Variants in KICS2 observed in about 807,000 individuals in gnomAD.
KICS2 encodes the protein KICSTOR complex protein C12orf66.
KICS2 carries 13 observed loss-of-function variants against 31.4 expected under a neutral mutation model. The ratio of observed to expected loss-of-function variants is 0.41; its 90% confidence interval spans 0.27 to 0.66. The LOEUF is 0.66. KICS2 is among the 30% of genes least tolerant of loss of function. KICS2 has a pLI of 0.28. For synonymous variants in KICS2, 209 were observed against 214.8 expected (o/e 0.97, Z 0.24); for missense variants, 455 against 545.4 (o/e 0.83, Z 1.65).
intron 2 of KICS2, 84 bp downstream of exon 2, chr12:64,215,594 C>T (rs1333930675): frequency 8.5e-7 from 1 of 1,178,602 alleles, no homozygotes; most frequent in East Asian, 2.4e-5. Context: ...CACAGATTTT[C>T]ATAAGAGTGT....
intron 2 of KICS2, among the ~76,000 whole-genome samples, chr12:64,196,092 C>A (rs1592379698): frequency 6.6e-6 from 1 of 152,250 alleles, no homozygotes; most frequent in Admixed American, 6.5e-5. Context: ...CTGGGTGGAG[C>A]CCACCACAGC....
At chr12:64,190,725 G>T (rs559254909), downstream of KICS2, among the ~76,000 whole-genome samples, 1 of 151,608 alleles carries the variant, frequency 6.6e-6, no homozygotes, top group Non-Finnish European at 1.5e-5. Flanking sequence ...CTCCAGCCTG[G>T]GCGACAGACC....
At chr12:64,215,216 G>A (rs534322903) in intron 2 of KICS2, among the ~76,000 whole-genome samples, 1 of 152,168 alleles carries the variant, frequency 6.6e-6, no homozygotes, top group African/African-American at 2.4e-5. Flanking sequence ...GGAGGCTGAG[G>A]CAGGAGAATT....
intron 2 of KICS2, among the ~76,000 whole-genome samples, chr12:64,201,629 A>C (rs1350248225): frequency 4.8e-5 from 7 of 144,798 alleles, no homozygotes; most frequent in Admixed American, 3.4e-4. Context: ...GAAAAAAAAA[A>C]AAAACAAAAT....
chr12:64,194,802 T>C, intron 2 of KICS2, 144 bp from the exon 3 acceptor site: 1 of 1,086,874 alleles, frequency 9.2e-7, no homozygotes, highest in Non-Finnish European at 1.2e-6. Context: ...AACTACATGT[T>C]GATTTATTTT....
Position 64,222,094 on chromosome 12 carries a change from C to G in KICS2, c.144G>C (p.Gly48=). The G allele has an allele frequency of 6.2e-7, 1 of 1,613,978 alleles. No homozygotes were observed. Among genetic ancestry groups the G allele is most frequent in the Non-Finnish European group, 8.5e-7 (1 of 1,179,936 alleles). ...CCGCCAGCAGCGACAGCCAGCTGCC[C>G]CCCGCGCTCTTGTTGGCCTCTCGTT... is the stretch of plus-strand genomic sequence containing the variant. ...EKEREANKSA[G]GSWLSLLAAL... Residue 48 remains glycine, a synonymous_variant, in exon 1 of 3, where the codon GGG becomes GGC. Transcript: ENST00000398055.
chr12:64,189,975 A>T (rs867315858), downstream of KICS2, among the ~76,000 whole-genome samples: 2 of 152,324 alleles, frequency 1.3e-5, no homozygotes, highest in Non-Finnish European at 1.5e-5. Context: ...AAAGGAAAAA[A>T]AAAGAAATCA....
At position 64,192,044 on chromosome 12, in the gene KICS2, CAAAAAAAAAAA is replaced by C. The variant is rs371097999; in HGVS notation, c.*1787_*1797del. On this transcript the variant is annotated 3_prime_UTR_variant, in exon 3 of 3. Coordinates refer to ENST00000398055, the MANE Select transcript of KICS2 (RefSeq NM_152440.5). ...CTGGAAAACAGACAAGACCCTGTCT[CAAAAAAAAAAA>C]AAAAAAAAAAGGAAAAACACATGTT... 2 of 67,484 alleles carry C rather than the reference CAAAAAAAAAAA, an allele frequency of 3.0e-5. No individual in the cohort carries two copies. The highest frequency in any genetic ancestry group is 1.2e-3 in the South Asian group (2 of 1,618). 4.2% of individuals were successfully genotyped at this position (67,484 alleles called of 1,614,324 possible). A position where few individuals can be genotyped will look rare whatever the true frequency, so the allele number is the denominator to read the frequency against.
At chr12:64,202,947 G>A (rs1170162409) in intron 2 of KICS2, among the ~76,000 whole-genome samples, 4 of 151,916 alleles carry the variant, frequency 2.6e-5, no homozygotes, top group South Asian at 2.1e-4. Context: ...AGGTCTCCTC[G>A]TCAGTCATTT....
chr12:64,198,982 T>A (rs961213206), intron 2 of KICS2, among the ~76,000 whole-genome samples: 18 of 143,602 alleles, frequency 1.3e-4, no homozygotes, highest in African/African-American at 4.4e-4. Context: ...CCAAAAAGAG[T>A]CCAGGACCAG....
intron 1 of KICS2, among the ~76,000 whole-genome samples, chr12:64,218,960 G>A (rs1037782759): frequency 2.6e-5 from 4 of 152,126 alleles, no homozygotes; most frequent in African/African-American, 9.7e-5. Context: ...ATATCCAGCG[G>A]GGACTGACCT....
chr12:64,208,859 T>C lies in KICS2; in HGVS notation c.521+6819A>G, dbSNP rs575043048. On this transcript the variant is annotated intron_variant, in intron 2 of 2. Coordinates refer to ENST00000398055, the MANE Select transcript of KICS2 (RefSeq NM_152440.5). Reference sequence around the variant, plus strand: ...GAATGCCTAAGTGATGGCTTTCTTCTTTCTTTAGAAGTATTATTTCTTAAT... The same window carrying C: ...GAATGCCTAAGTGATGGCTTTCTTCCTTCTTTAGAAGTATTATTTCTTAAT... 1.3e-4 allele frequency among the ~76,000 whole-genome samples: 20 copies of C among 152,342 alleles called. No individual in the cohort carries two copies. The East Asian group carries it at 2.5e-3, about 19-fold the overall frequency.
In KICS2 at chr12:64,193,853, C is replaced by A. The variant is rs699638; in HGVS notation, c.1327G>T (p.Ala443Ser). 1 allele frequency: 1,610,829 copies of A among 1,612,604 alleles called. 804,544 individuals are homozygous for A. The highest frequency in any genetic ancestry group is 1 in the East Asian group (44,864 of 44,864). ...ACGCAAATCACCTGCTAACCTTTGG[C>A]TCCAGGTTTCAGACTTGCAAACACT... is the stretch of plus-strand genomic sequence containing the variant. ...PKVFASLKPGAKG is the reference protein window; with the variant it reads ...PKVFASLKPGSKG The change falls in exon 3 of 3, where the codon GCC becomes TCC. Residue 443 changes from alanine to serine, a missense_variant. By Grantham distance (99) the Ala-to-Ser change is moderately conservative. Coordinates refer to ENST00000398055, the MANE Select transcript of KICS2 (RefSeq NM_152440.5).
chr12:64,207,033 C>T (rs572027319), intron 2 of KICS2, among the ~76,000 whole-genome samples: 5 of 151,950 alleles, frequency 3.3e-5, no homozygotes, highest in South Asian at 2.1e-4. Flanking sequence ...TTGCTGGGGG[C>T]GGTGGCTATG....
intron 2 of KICS2, 24 bp from the exon 3 acceptor site, chr12:64,194,682 A>G (rs748609929): frequency 6.4e-7 from 1 of 1,572,448 alleles, no homozygotes; most frequent in Admixed American, 1.9e-5. Flanking sequence ...GGAAATAGAG[A>G]TAAGTGGAAA....
chr12:64,212,048 CAT>C (rs1321274787), intron 2 of KICS2, among the ~76,000 whole-genome samples: 1 of 152,098 alleles, frequency 6.6e-6, no homozygotes, highest in African/African-American at 2.4e-5. Context: ...GAAGTACAAT[CAT>C]ATACAGAGAG....
intron 2 of KICS2, among the ~76,000 whole-genome samples, chr12:64,215,109 C>A (rs1025286274): frequency 1.3e-5 from 2 of 151,218 alleles, no homozygotes; most frequent in Admixed American, 1.3e-4. Context: ...AGTTCAAGAC[C>A]AGCCCGGCCA....
rs867425612 is a variant in KICS2, at chr12:64,215,852, G to C, written c.347C>G (p.Pro116Arg). 3 of 1,613,722 alleles carry C rather than the reference G, an allele frequency of 1.9e-6. No homozygotes were observed. The African/African-American group carries it at 4.0e-5, about 22-fold the overall frequency. The change falls in exon 2 of 3, where the codon CCT becomes CGT. Residue 116 changes from proline to arginine, a missense_variant. By Grantham distance (103) the Pro-to-Arg change is moderately radical. Transcript: ENST00000398055. ...GTGGGAAAGGAGTTCTTCCACGTGA[G>C]GAGCAGTCCCACCCAGGGCACCACG... Reference protein sequence around the residue: ...TGRGALGGTAPHVEELLSHLS... With the variant: ...TGRGALGGTARHVEELLSHLS...
Position 64,194,022 on chromosome 12 carries a change from A to G in KICS2, c.1158T>C (p.Asp386=), listed in dbSNP as rs528981217. 1.2e-6 allele frequency: 2 copies of G among 1,614,206 alleles called. No individual in the cohort carries two copies. Among genetic ancestry groups the G allele is most frequent in the Middle Eastern group, 1.6e-4 (1 of 6,062 alleles). Residue 386 remains aspartate, a synonymous_variant, in exon 3 of 3, where the codon GAT becomes GAC. Transcript: ENST00000398055. ...NSLEKVVHFY[D]DKVQSTYFLT... is the part of the protein sequence containing the mutation. ...GGAAGTAGGTACTCTGAACTTTGTC[A>G]TCATAGAAGTGGACCACTTTCTCCA...
Sources: allele counts gnomAD v4.1 joint callset (sites outside exome capture counted in the v4.1 genomes callset), GRCh38; gene constraint gnomAD v4.1.1; transcripts MANE v1.5; gene names NCBI Gene and HGNC (gene_info 2026-07-23, HGNC 2026-07-21).